Variants in CNTNAP2 observed in about 807,000 individuals in gnomAD.
CNTNAP2 encodes contactin associated protein 2.
Under a neutral mutation model 155.2 loss-of-function variants are expected in CNTNAP2, and 98 were observed. The observed-to-expected ratio is 0.63, with a 90% confidence interval of 0.54 to 0.75. The LOEUF is 0.75. CNTNAP2 is among the 30% of genes least tolerant of loss of function. The pLI is 0.00. For synonymous variants in CNTNAP2, 651 were observed against 631.2 expected (o/e 1.03, Z -0.47); for missense variants, 1,727 against 1,688.1 (o/e 1.02, Z -0.40).
chr7:146,322,487 T>G (rs536433525), intron 1 of CNTNAP2, among the ~76,000 whole-genome samples: 4 of 152,284 alleles, frequency 2.6e-5, no homozygotes, highest in Admixed American at 2.6e-4. Context: ...CCAGGTATTG[T>G]TGCTTGTATC....
rs186824590 is a variant in CNTNAP2, at chr7:146,334,483, G to T, written c.97+217510G>T. ...AGTCTCCAACACTCAAGAATTATTT[G>T]TGAGATTCTTATAGAACTAAAATCT... On this transcript the variant is annotated intron_variant, in intron 1 of 23. Coordinates refer to ENST00000361727, the MANE Select transcript of CNTNAP2 (RefSeq NM_014141.6). 4.2e-4 allele frequency among the ~76,000 whole-genome samples: 63 copies of T among 149,168 alleles called. No homozygotes were observed. In the East Asian group the frequency reaches 7.7e-3, roughly 18 times the overall value.
intron 3 of CNTNAP2, among the ~76,000 whole-genome samples, chr7:147,020,099 A>G (rs1347220659): frequency 6.6e-6 from 1 of 152,132 alleles, no homozygotes; most frequent in Non-Finnish European, 1.5e-5. Flanking sequence ...TAGATGAAAT[A>G]CATAATGTTT....
At chr7:146,385,058 G>A (rs566956655) in intron 1 of CNTNAP2, among the ~76,000 whole-genome samples, 37 of 152,162 alleles carry the variant, frequency 2.4e-4, no homozygotes, top group Non-Finnish European at 3.7e-4. Context: ...TCAAAGTGGC[G>A]CAGCATATAC....
At chr7:147,740,071 C>T (rs1796929862) in intron 13 of CNTNAP2, among the ~76,000 whole-genome samples, 1 of 152,264 alleles carries the variant, frequency 6.6e-6, no homozygotes, top group African/African-American at 2.4e-5. Flanking sequence ...TGTCTTTCTC[C>T]AGGCATCCAC....
intron 1 of CNTNAP2, among the ~76,000 whole-genome samples, chr7:146,361,762 G>C (rs964531698): frequency 2.0e-5 from 3 of 151,790 alleles, no homozygotes; most frequent in Non-Finnish European, 4.4e-5. Context: ...CAATAGTCAC[G>C]ATTAGCCTAT....
chr7:148,302,315 CAG>C (rs1797405034), intron 21 of CNTNAP2, among the ~76,000 whole-genome samples: 1 of 152,182 alleles, frequency 6.6e-6, no homozygotes, highest in Non-Finnish European at 1.5e-5. Flanking sequence ...CATTAAGACC[CAG>C]AAGGGCTGAA....
intron 9 of CNTNAP2, among the ~76,000 whole-genome samples, chr7:147,384,203 G>A (rs1456051930): frequency 6.6e-6 from 1 of 152,148 alleles, no homozygotes; most frequent in Admixed American, 6.5e-5. Flanking sequence ...AACTAGCAAA[G>A]TAGCCACACA....
At chr7:147,098,230 T>C (rs576877436) in intron 4 of CNTNAP2, among the ~76,000 whole-genome samples, 38 of 152,152 alleles carry the variant, frequency 2.5e-4, no homozygotes, top group Admixed American at 6.5e-4. Context: ...CCACTTAGAA[T>C]ACCATCATTA....
intron 12 of CNTNAP2, among the ~76,000 whole-genome samples, chr7:147,589,299 A>G (rs1467319477): frequency 6.6e-6 from 1 of 152,200 alleles, no homozygotes; most frequent in Non-Finnish European, 1.5e-5. Context: ...CTTTGCATGC[A>G]CAAAGTTCGA....
chr7:146,718,429 C>T (rs1428403921), intron 1 of CNTNAP2, among the ~76,000 whole-genome samples: 1 of 152,146 alleles, frequency 6.6e-6, no homozygotes, highest in East Asian at 1.9e-4. Context: ...GGTAACTGTG[C>T]ATGGGGTGCT....
chr7:148,260,462 C>CTT (rs1796538737), intron 20 of CNTNAP2, among the ~76,000 whole-genome samples: 1 of 152,236 alleles, frequency 6.6e-6, no homozygotes, highest in African/African-American at 2.4e-5. Context: ...TGTGCTTCCT[C>CTT]CTTTTTCCTA....
chr7:147,101,627 G>A (rs544682706), intron 4 of CNTNAP2, among the ~76,000 whole-genome samples: 66 of 152,260 alleles, frequency 4.3e-4, no homozygotes, highest in African/African-American at 1.5e-3. Flanking sequence ...GAGTGATGGA[G>A]GTGGCTCTCA....
chr7:146,272,850 A>G (rs978957368), intron 1 of CNTNAP2, among the ~76,000 whole-genome samples: 3 of 152,196 alleles, frequency 2.0e-5, no homozygotes, highest in African/African-American at 4.8e-5. Context: ...GTAAGACCTG[A>G]GGAATCTTTT....
intron 4 of CNTNAP2, among the ~76,000 whole-genome samples, chr7:147,059,253 G>T (rs568736726): frequency 2.6e-5 from 4 of 152,132 alleles, no homozygotes; most frequent in Non-Finnish European, 5.9e-5. Context: ...TCAAACGATT[G>T]CTTTAGTGGT....
intron 15 of CNTNAP2, among the ~76,000 whole-genome samples, chr7:148,104,117 T>C (rs908464304): frequency 1.3e-5 from 2 of 152,160 alleles, no homozygotes; most frequent in African/African-American, 4.8e-5. Flanking sequence ...TCGTCTCTCT[T>C]TCTTTGCACT....
intron 9 of CNTNAP2, among the ~76,000 whole-genome samples, chr7:147,370,245 C>G (rs1022055738): frequency 6.6e-6 from 1 of 152,178 alleles, no homozygotes; most frequent in Non-Finnish European, 1.5e-5. Flanking sequence ...TGGACAATGA[C>G]GTGTCCATGA....
At chr7:147,841,970 A>G (rs970596169) in intron 13 of CNTNAP2, among the ~76,000 whole-genome samples, 24 of 146,822 alleles carry the variant, frequency 1.6e-4, no homozygotes, top group African/African-American at 6.1e-4. Context: ...TATAAACCAA[A>G]CTGAATTCAG....
At chr7:147,344,401 GAT>G (rs1795813725) in intron 9 of CNTNAP2, among the ~76,000 whole-genome samples, 1 of 151,626 alleles carries the variant, frequency 6.6e-6, no homozygotes, top group African/African-American at 2.4e-5. Flanking sequence ...TGAACTGGCT[GAT>G]TAGGCAGAGG....
chr7:146,151,700 A>ATATATATATATGTATATATATATG (rs60354644), intron 1 of CNTNAP2, among the ~76,000 whole-genome samples: 3 of 57,560 alleles, frequency 5.2e-5, no homozygotes, highest in African/African-American at 3.1e-4. Context: ...ATATATATGT[A>ATATATATATATGTATATATATATG]TATATATATA....
Sources: gnomAD v4.1 joint callset for allele counts (sites outside exome capture counted in the v4.1 genomes callset) on GRCh38, gnomAD v4.1.1 for gene constraint, MANE v1.5 for transcripts, NCBI Gene and HGNC (gene_info 2026-07-23, HGNC 2026-07-21) for gene names.